SERAC1: variants seen among roughly 807,000 people sequenced by gnomAD.
SERAC1 encodes the protein serine active site containing 1, also known as protein SERAC1.
Under a neutral mutation model 85.7 loss-of-function variants are expected in SERAC1, and 36 were observed. The ratio of observed to expected loss-of-function variants is 0.42; its 90% CI spans 0.32 to 0.55. The LOEUF (loss-of-function observed/expected upper bound fraction) is 0.55, where lower values mean the gene tolerates loss of function less well. Among genes scored for constraint, SERAC1 ranks in the 20% least tolerant of loss-of-function variants. SERAC1 has a pLI of 0.11. For synonymous variants in SERAC1, 242 were observed against 265.3 expected (o/e 0.91, Z 0.85); for missense variants, 629 against 796.2 (o/e 0.79, Z 2.53).
chr6:158,145,456 C>G (rs1159399540), intron 6 of SERAC1: 4 of 151,940 alleles, frequency 2.6e-5, no homozygotes, highest in Admixed American at 2.0e-4. Context: ...ATTATAGCCA[C>G]CAACCAATTA....
At chr6:158,115,074 C>T in intron 14 of SERAC1, 103 bp from the exon 15 acceptor site, 1 of 1,246,000 alleles carries the variant, frequency 8.0e-7, no homozygotes, top group Non-Finnish European at 1.1e-6. Context: ...AAAAGAGATG[C>T]TTTCTTTTTA....
chr6:158,113,718 G>T (rs1583555787), intron 15 of SERAC1, 126 bp from the exon 16 acceptor site: 1 of 838,190 alleles, frequency 1.2e-6, no homozygotes, highest in Non-Finnish European at 1.8e-6. Flanking sequence ...GAGTACACAT[G>T]TTTATTTTCT....
rs185361265 is a variant in SERAC1 at position 158,149,071 on chromosome 6, G to A, written c.266-117C>T. ...GTGGCACAATCTCGGCTCACTGCAAGCTCTGCCTCCCGGGTTCACCCCATT... is the reference window on the plus strand; with the variant it reads ...GTGGCACAATCTCGGCTCACTGCAAACTCTGCCTCCCGGGTTCACCCCATT... On this transcript the variant is annotated intron_variant, in intron 4 of 16. Coordinates refer to ENST00000647468, the MANE Select transcript of SERAC1 (RefSeq NM_032861.4). 2.6e-4 allele frequency: 171 copies of A among 658,274 alleles called. No individual in the cohort carries two copies. In the African/African-American group the frequency reaches 2.6e-3, roughly 10 times the overall value. 40.8% of individuals were successfully genotyped at this position (658,274 alleles called of 1,614,324 possible).
At chr6:158,114,757 AC>A in intron 15 of SERAC1, 31 bp downstream of exon 15, 1 of 1,444,686 alleles carries the variant, frequency 6.9e-7, no homozygotes, top group Non-Finnish European at 9.4e-7. Flanking sequence ...TGTTAATATA[AC>A]CCCAATTTCC....
chr6:158,165,399 C>T (rs1300130552), intron 1 of SERAC1, among the ~76,000 whole-genome samples: 2 of 152,156 alleles, frequency 1.3e-5, no homozygotes, highest in Non-Finnish European at 2.9e-5. Flanking sequence ...TCGTGATCCA[C>T]CCGCCTCGGC....
intron 8 of SERAC1, among the ~76,000 whole-genome samples, chr6:158,136,082 T>C (rs1784787487): frequency 6.6e-6 from 1 of 152,222 alleles, no homozygotes; most frequent in Non-Finnish European, 1.5e-5. Context: ...AGTGCTGGAA[T>C]TACAGGCGTG....
In SERAC1 at chr6:158,119,556, G is replaced by A. The variant is rs1476768053; in HGVS notation, c.1167-386C>T. 6.6e-6 allele frequency among the ~76,000 whole-genome samples: 1 copy of A among 152,134 alleles called. No individual in the cohort carries two copies. Among genetic ancestry groups the A allele is most frequent in the East Asian group, 1.9e-4 (1 of 5,198 alleles). On this transcript the variant is annotated intron_variant, in intron 11 of 16. Coordinates refer to ENST00000647468, the MANE Select transcript of SERAC1 (RefSeq NM_032861.4). This position sits in a 1 kb window ranked among gnomAD's most constrained non-coding sequence, Gnocchi z 4.5. ...AGAACGTGCTAATAACAGTTTCAAA[G>A]TCAGTATATATAAAAGAGATTTTCA...
chr6:158,116,068 G>A lies in SERAC1; in HGVS notation c.1501+117C>T, dbSNP rs537859902. On this transcript the variant is annotated intron_variant, in intron 14 of 16. Coordinates refer to ENST00000647468, the MANE Select transcript of SERAC1 (RefSeq NM_032861.4). The stretch of plus-strand genomic sequence containing the variant: ...CATAGCTACACAGATTAATTTAGCA[G>A]GGGGGGTAAGGGAGCCGCTATTAAG... 6.9e-6 allele frequency: 5 copies of A among 728,288 alleles called. No homozygotes were observed. In the African/African-American group the frequency reaches 8.8e-5, roughly 13 times the overall value. The allele number at this position is 728,288 out of a possible 1,614,324, so 45.1% of individuals were successfully genotyped here. A position where few individuals can be genotyped will look rare whatever the true frequency, so the allele number is the denominator to read the frequency against.
chr6:158,132,655 T>C (rs1784705186), intron 8 of SERAC1, among the ~76,000 whole-genome samples: 1 of 152,218 alleles, frequency 6.6e-6, no homozygotes, highest in Admixed American at 6.5e-5. Context: ...GTCTTGGCCA[T>C]TTCCGCAGTG....
At chr6:158,162,703 T>C (rs1785514094) in intron 1 of SERAC1, among the ~76,000 whole-genome samples, 1 of 152,202 alleles carries the variant, frequency 6.6e-6, no homozygotes, top group Non-Finnish European at 1.5e-5. Context: ...TCACCTTCTG[T>C]TTAGTTGTAT....
intron 10 of SERAC1, among the ~76,000 whole-genome samples, chr6:158,124,656 G>A (rs1285126786): frequency 5.9e-5 from 9 of 151,404 alleles, no homozygotes; most frequent in South Asian, 4.2e-4. Flanking sequence ...AAGATATTAC[G>A]TATAAGAGAA....
At chr6:158,163,206 G>A (rs1785524187) in intron 1 of SERAC1, among the ~76,000 whole-genome samples, 2 of 152,314 alleles carry the variant, frequency 1.3e-5, no homozygotes, top group South Asian at 2.1e-4. Flanking sequence ...TCCTTAGCCT[G>A]CAAGCAATAA....
At chr6:158,156,996 CTA>C (rs112367425) in intron 2 of SERAC1, among the ~76,000 whole-genome samples, 20,079 of 99,594 alleles carry the variant, frequency 0.2, 3,580 homozygotes, top group African/African-American at 0.3. Flanking sequence ...TACATATAAA[CTA>C]TATATATATA....
At chr6:158,115,073 GCTTT>G (rs1784252887) in intron 14 of SERAC1, 102 bp from the exon 15 acceptor site, 3 of 1,255,486 alleles carry the variant, frequency 2.4e-6, no homozygotes, top group Non-Finnish European at 3.3e-6. Context: ...AAAAAGAGAT[GCTTT>G]CTTTTTAAAA....
rs74760440 is a variant in SERAC1 at position 158,119,232 on chromosome 6, C to A, written c.1167-62G>T. The stretch of plus-strand genomic sequence containing the variant: ...AATGCATTACTGCTTTGGTAAGAAT[C>A]TACACAGCATTCTCTGTGGATGGTG... On this transcript the variant is annotated intron_variant, in intron 11 of 16. Coordinates refer to ENST00000647468, the MANE Select transcript of SERAC1 (RefSeq NM_032861.4). This position sits in a 1 kb window ranked among gnomAD's most constrained non-coding sequence, Gnocchi z 4.5. 5,597 of 1,526,774 alleles carry A rather than the reference C, an allele frequency of 3.7e-3. 10 individuals are homozygous for A. Among genetic ancestry groups the A allele is most frequent in the Non-Finnish European group, 4.6e-3 (5,131 of 1,127,218 alleles). The allele number at this position is 1,526,774 out of a possible 1,614,324, so 94.6% of individuals were successfully genotyped here. A position where few individuals can be genotyped will look rare whatever the true frequency, so the allele number is the denominator to read the frequency against.
chr6:158,117,841 T>A lies in SERAC1; in HGVS notation c.1309-20A>T. On this transcript the variant is annotated intron_variant, in intron 12 of 16. Transcript: ENST00000647468. This position sits in a 1 kb window ranked among gnomAD's most constrained non-coding sequence, Gnocchi z 4.3. ...CCATGTCTAAGTAAAATAAAACATA[T>A]GTGAGAACAAGTATGAATCTTCACC... The A allele has an allele frequency of 6.3e-7, 1 of 1,588,838 alleles. No homozygotes were observed. The highest frequency in any genetic ancestry group is 8.6e-7 in the Non-Finnish European group (1 of 1,158,408).
At chr6:158,161,719 G>A (rs1356958805) in intron 1 of SERAC1, 2 of 151,614 alleles carry the variant, frequency 1.3e-5, no homozygotes, top group African/African-American at 2.4e-5. Context: ...ACTGCTAGAG[G>A]TAGCAAACAA....
chr6:158,122,636 C>T (rs757547106), intron 10 of SERAC1, among the ~76,000 whole-genome samples: 13 of 152,000 alleles, frequency 8.6e-5, no homozygotes, highest in Admixed American at 2.6e-4. Context: ...CAAAATTAGC[C>T]GGGTGTGGTG....
chr6:158,146,677 T>G, intron 6 of SERAC1, 105 bp downstream of exon 6: 1 of 1,438,698 alleles, frequency 7.0e-7, no homozygotes, highest in East Asian at 2.4e-5. Context: ...CCCAAAGTGC[T>G]GGGATTACAG....
Sources: gnomAD v4.1 joint callset for allele counts (sites outside exome capture counted in the v4.1 genomes callset) on GRCh38, gnomAD v4.1.1 for gene constraint, Gnocchi (gnomAD v3.1) non-coding constraint, MANE v1.5 for transcripts, NCBI Gene and HGNC (gene_info 2026-07-23, HGNC 2026-07-21) for gene names.